FUT8: variants seen among roughly 807,000 people sequenced by gnomAD.
The protein encoded by FUT8 is alpha-(1,6)-fucosyltransferase.
FUT8 carries 29 observed loss-of-function variants against 71.3 expected under a neutral mutation model. The ratio of observed to expected loss-of-function variants is 0.41; its 90% CI spans 0.30 to 0.55. The LOEUF (loss-of-function observed/expected upper bound fraction) is 0.55, where lower values mean the gene tolerates loss of function less well. Ranked by LOEUF, FUT8 falls within the 20% of genes least tolerant of loss-of-function variation. FUT8 has a pLI of 0.34. For missense variants in FUT8, 544 were observed against 702.1 expected (o/e 0.77, Z 2.55); for synonymous variants, 254 against 239.3 (o/e 1.06, Z -0.57).
rs375660222 is a variant in FUT8 at position 65,700,613 on chromosome 14, A to C, written c.836-21162A>C. ...ACGGGGTTTCACCGTGTTATCCAGGATGGTCTCGATCTCCTGACCTCGTGA... is the reference window on the plus strand; with the variant it reads ...ACGGGGTTTCACCGTGTTATCCAGGCTGGTCTCGATCTCCTGACCTCGTGA... On this transcript the variant is annotated intron_variant, in intron 7 of 10. Transcript: ENST00000673929. 8.6e-5 allele frequency among the ~76,000 whole-genome samples: 13 copies of C among 151,788 alleles called. No homozygotes were observed. In the East Asian group the frequency reaches 2.3e-3, roughly 27 times the overall value.
chr14:65,412,252 G>A, upstream of FUT8: 1 of 456,680 alleles, frequency 2.2e-6, no homozygotes, highest in Non-Finnish European at 4.4e-6. Flanking sequence ...CAGTCAAGCG[G>A]CCAAATGCGG....
intron 6 of FUT8, among the ~76,000 whole-genome samples, chr14:65,650,812 T>C (rs1410501177): frequency 6.6e-6 from 1 of 151,732 alleles, no homozygotes; most frequent in African/African-American, 2.4e-5. Flanking sequence ...CAGCCAAGGG[T>C]ACTAGAGGCC....
chr14:65,456,921 T>C (rs2065901865), intron 2 of FUT8, among the ~76,000 whole-genome samples: 1 of 151,756 alleles, frequency 6.6e-6, no homozygotes, highest in Non-Finnish European at 1.5e-5. Flanking sequence ...TAGGTGTACA[T>C]ACTTATATTC....
At chr14:65,597,327 C>T (rs1032955844) in intron 3 of FUT8, among the ~76,000 whole-genome samples, 6 of 152,142 alleles carry the variant, frequency 3.9e-5, no homozygotes, top group Admixed American at 2.6e-4. Flanking sequence ...GTGGATTAAT[C>T]TGATTTATCC....
the FUT8 span, among the ~76,000 whole-genome samples, chr14:65,397,617 T>C: frequency 1.3e-5 from 2 of 152,236 alleles, no homozygotes; most frequent in African/African-American, 2.4e-5. The surrounding 1 kb of genome is among the most constrained non-coding windows in gnomAD (Gnocchi z 4.2). Flanking sequence ...CGTGTGTGTG[T>C]GCACACGTGC....
At chr14:65,670,789 A>G (rs1027180693) in intron 7 of FUT8, among the ~76,000 whole-genome samples, 1 of 152,180 alleles carries the variant, frequency 6.6e-6, no homozygotes, top group Non-Finnish European at 1.5e-5. Context: ...AGTACTTTCT[A>G]TAAAATACTT....
At position 65,573,985 on chromosome 14, in the gene FUT8, C is replaced by T. The variant is rs573621420; in HGVS notation, c.203+12219C>T. Among the ~76,000 whole-genome samples the T allele has an allele frequency of 6.4e-4, 97 of 152,304 alleles. 1 individual carries two copies. The South Asian group carries it at 0.02, about 31-fold the overall frequency. ...TTCTTGCACAGTTTAGGTGGTGTCT[C>T]TGCTTTGGGGTCCCTCACAAAGGTA... On this transcript the variant is annotated intron_variant, in intron 3 of 10. Coordinates refer to ENST00000673929, the MANE Select transcript of FUT8 (RefSeq NM_001371533.1).
At chr14:65,608,896 C>T (rs975864144) in intron 3 of FUT8, among the ~76,000 whole-genome samples, 1 of 151,944 alleles carries the variant, frequency 6.6e-6, no homozygotes, top group Non-Finnish European at 1.5e-5. Flanking sequence ...TTTGTTCAAA[C>T]ATTTATTTAA....
chr14:65,595,556 A>G (rs1321216725), intron 3 of FUT8, among the ~76,000 whole-genome samples: 1 of 146,258 alleles, frequency 6.8e-6, no homozygotes, highest in Non-Finnish European at 1.5e-5. Flanking sequence ...TATATTCCTT[A>G]TATTCTTTAT....
chr14:65,549,625 C>T (rs1885173451), intron 2 of FUT8, among the ~76,000 whole-genome samples: 1 of 152,118 alleles, frequency 6.6e-6, no homozygotes, highest in Non-Finnish European at 1.5e-5. Flanking sequence ...CAACTGGCCC[C>T]AAAACGGATA....
At chr14:65,501,668 G>T (rs978404549) in intron 2 of FUT8, among the ~76,000 whole-genome samples, 4 of 152,094 alleles carry the variant, frequency 2.6e-5, no homozygotes, top group Non-Finnish European at 4.4e-5. Context: ...GTATTAAAGG[G>T]TAGATTTGGA....
chr14:65,512,495 A>G (rs1235505955), intron 2 of FUT8, among the ~76,000 whole-genome samples: 1 of 152,180 alleles, frequency 6.6e-6, no homozygotes, highest in Non-Finnish European at 1.5e-5. Flanking sequence ...GACCACTCAT[A>G]TATGCAGTTC....
Position 65,455,635 on chromosome 14 carries a change from T to C in FUT8, c.-311T>C, listed in dbSNP as rs1330991072. ...TTTTGTTTCAGGTTGCTGCTTTTGCTCAGAGGACATCCATGACCCTAATGG... is the reference window on the plus strand; with the variant it reads ...TTTTGTTTCAGGTTGCTGCTTTTGCCCAGAGGACATCCATGACCCTAATGG... On this transcript the variant is annotated 5_prime_UTR_variant, in exon 2 of 11. Coordinates refer to ENST00000673929, the MANE Select transcript of FUT8 (RefSeq NM_001371533.1). 11 of 398,266 alleles carry C rather than the reference T, an allele frequency of 2.8e-5. No homozygotes were observed. The allele number at this position is 398,266 out of a possible 1,614,324, so 24.7% of individuals were successfully genotyped here.
intron 6 of FUT8, among the ~76,000 whole-genome samples, chr14:65,633,592 C>T (rs996649208): frequency 8.6e-5 from 13 of 150,716 alleles, no homozygotes; most frequent in South Asian, 2.1e-4. Context: ...TCTGCCCGGC[C>T]GCCCATCGTC....
At chr14:65,601,855 A>G (rs940015599) in intron 3 of FUT8, among the ~76,000 whole-genome samples, 3 of 152,202 alleles carry the variant, frequency 2.0e-5, no homozygotes, top group African/African-American at 7.2e-5. Flanking sequence ...AGAAAATAAT[A>G]TAACCCCATG....
chr14:65,603,466 T>C lies in FUT8; in HGVS notation c.204-12512T>C, dbSNP rs1474628813. Among the ~76,000 whole-genome samples, 3 of 151,850 alleles carry C rather than the reference T, an allele frequency of 2.0e-5. No individual in the cohort carries two copies. The highest frequency in any genetic ancestry group is 7.2e-5 in the African/African-American group (3 of 41,394). ...TCTTGGCTTTGGCTTTGTGGGCTCT[T>C]TTTTGGTTCCATGTGAATTTTAGAA... is the stretch of plus-strand genomic sequence containing the variant. On this transcript the variant is annotated intron_variant, in intron 3 of 10. Transcript: ENST00000673929. This position sits in a 1 kb window ranked among gnomAD's most constrained non-coding sequence, Gnocchi z 4.5.
At chr14:65,497,279 G>A (rs2066574103) in intron 2 of FUT8, among the ~76,000 whole-genome samples, 1 of 152,142 alleles carries the variant, frequency 6.6e-6, no homozygotes. Context: ...GACTTGTTTG[G>A]AAGTTGACAG....
intron 7 of FUT8, among the ~76,000 whole-genome samples, chr14:65,675,274 TG>T (rs1234993329): frequency 2.0e-5 from 3 of 152,230 alleles, no homozygotes; most frequent in Non-Finnish European, 4.4e-5. Context: ...GTGTTTATCC[TG>T]TAAGTGCTTC....
intron 1 of FUT8, among the ~76,000 whole-genome samples, chr14:65,423,995 C>A (rs1196541832): frequency 6.6e-6 from 1 of 152,198 alleles, no homozygotes; most frequent in Non-Finnish European, 1.5e-5. Context: ...AGACCTCAAT[C>A]TACAGTACGT....
Sources: allele counts gnomAD v4.1 joint callset (sites outside exome capture counted in the v4.1 genomes callset), GRCh38; gene constraint gnomAD v4.1.1; non-coding constraint Gnocchi (gnomAD v3.1); transcripts MANE v1.5; gene names NCBI Gene and HGNC (gene_info 2026-07-23, HGNC 2026-07-21).